The following ERICH3 variants were observed in gnomAD, a reference collection of about 807,000 sequenced individuals.
ERICH3 encodes glutamate-rich protein 3.
In ERICH3, 126 loss-of-function variants were observed where a neutral mutation model predicts 131.1. The observed-to-expected ratio is 0.96, with a 90% CI of 0.83 to 1.11. The LOEUF is 1.11. ERICH3 is among the 50% of genes most tolerant of loss of function. The pLI is 0.00. For missense variants in ERICH3, 2,050 were observed against 1,810.7 expected, an observed-to-expected ratio of 1.13 and a Z score of -2.40; for synonymous variants, 695 against 644.6, an observed-to-expected ratio of 1.08 and a Z score of -1.18.
chr1:74,631,024 G>A (rs1467815089), intron 7 of ERICH3, among the ~76,000 whole-genome samples: 1 of 152,044 alleles, frequency 6.6e-6, no homozygotes, highest in Non-Finnish European at 1.5e-5. Context: ...AAGTGAAGTT[G>A]GTTTTTAAGA....
At position 74,646,540 on chromosome 1, in the gene ERICH3, G is replaced by C. The variant is rs1646485481; in HGVS notation, c.243+127C>G. 1.6e-5 allele frequency: 9 copies of C among 565,982 alleles called. No homozygotes were observed. In the South Asian group the frequency reaches 4.4e-4, roughly 28 times the overall value. The allele number at this position is 565,982 out of a possible 1,614,324, so 35.1% of individuals were successfully genotyped here. A position where few individuals can be genotyped will look rare whatever the true frequency, so the allele number is the denominator to read the frequency against. On this transcript the variant is annotated intron_variant, in intron 3 of 14. Transcript: ENST00000326665. The stretch of plus-strand genomic sequence containing the variant: ...AATCTCTCTTTTTCTAGGTACAAAA[G>C]CATTATTAATTATCATATTAGACAA...
At chr1:74,573,565 T>C (rs1646999481) in intron 13 of ERICH3, 74 bp from the exon 14 acceptor site, 3 of 1,399,650 alleles carry the variant, frequency 2.1e-6, no homozygotes, top group Non-Finnish European at 2.8e-6. Flanking sequence ...TAATCTTATA[T>C]CACACTTATT....
chr1:74,587,254 G>A (rs917435351), intron 12 of ERICH3, among the ~76,000 whole-genome samples: 3 of 149,416 alleles, frequency 2.0e-5, no homozygotes, highest in Non-Finnish European at 4.4e-5. Flanking sequence ...GAACCCGGGA[G>A]GCAGAGGTTG....
At chr1:74,643,209 A>G (rs1160388204) in intron 3 of ERICH3, 111 bp from the exon 4 acceptor site, 1 of 696,730 alleles carries the variant, frequency 1.4e-6, no homozygotes, top group African/African-American at 1.8e-5. Context: ...TCCTCTTGTC[A>G]TTGAGATGGA....
At chr1:74,639,350 A>G (rs1239775906) in intron 5 of ERICH3, among the ~76,000 whole-genome samples, 1 of 152,242 alleles carries the variant, frequency 6.6e-6, no homozygotes, top group East Asian at 1.9e-4. Context: ...TTGCATATAG[A>G]TATCATTCAG....
Position 74,572,991 on chromosome 1 carries a change from C to T in ERICH3, c.2719G>A (p.Glu907Lys), listed in dbSNP as rs2100511814. The change falls in exon 14 of 15, where the codon GAA (glutamate) becomes AAA (lysine). Residue 907 changes from glutamate (E) to lysine (K), a missense_variant. By Grantham distance (56) the Glu-to-Lys change is moderately conservative. Coordinates refer to ENST00000326665, the MANE Select transcript of ERICH3 (RefSeq NM_001002912.5). Reference sequence around the variant, plus strand: ...TGCTCCAAGTTCAGGGCTGCTGCTTCATTTGCAAGCACTGCCTTCTCTAAA... The same window carrying T: ...TGCTCCAAGTTCAGGGCTGCTGCTTTATTTGCAAGCACTGCCTTCTCTAAA... ...QGLEKAVLAN[E>K]AAALNLEHLH... The T allele has an allele frequency of 6.2e-7, 1 of 1,614,160 alleles. No homozygotes were observed. The highest frequency in any genetic ancestry group is 8.5e-7 in the Non-Finnish European group (1 of 1,180,024).
intron 11 of ERICH3, among the ~76,000 whole-genome samples, chr1:74,593,578 T>C (rs1647706977): frequency 6.6e-6 from 1 of 152,152 alleles, no homozygotes; most frequent in African/African-American, 2.4e-5. Flanking sequence ...ATCATACATG[T>C]AGCATATTCT....
At chr1:74,624,002 G>A (rs894001722) in intron 7 of ERICH3, 1 of 152,120 alleles carries the variant, frequency 6.6e-6, no homozygotes, top group African/African-American at 2.4e-5. Context: ...AGTAGATAAG[G>A]ATGACGTCCT....
chr1:74,580,503 C>A (rs1209281503), intron 12 of ERICH3, among the ~76,000 whole-genome samples: 1 of 152,110 alleles, frequency 6.6e-6, no homozygotes. Flanking sequence ...TCTAAATGTT[C>A]TTTTAAAAAG....
At chr1:74,631,980 A>C in intron 6 of ERICH3, 52 bp from the exon 7 acceptor site, 1 of 1,492,096 alleles carries the variant, frequency 6.7e-7, no homozygotes, top group East Asian at 2.3e-5. Context: ...TCAGTGACTC[A>C]ATGTAACCCA....
Position 74,571,773 on chromosome 1 carries a change from T to A in ERICH3, c.3937A>T (p.Asn1313Tyr). Residue 1313 changes from asparagine (N) to tyrosine (Y), a missense_variant, in exon 14 of 15, where the codon AAC becomes TAC. Coordinates refer to ENST00000326665, the MANE Select transcript of ERICH3 (RefSeq NM_001002912.5). ...TLETEAMQDR[N>Y]SEGDGDMEGE... is the part of the protein sequence containing the mutation. ...TCCATGTCCCCGTCCCCTTCCGAGT[T>A]CCTGTCCTGCATCGCTTCTGTCTCC... The A allele has an allele frequency of 1.2e-6, 2 of 1,614,060 alleles. No individual in the cohort carries two copies. The highest frequency in any genetic ancestry group is 1.7e-6 in the Non-Finnish European group (2 of 1,180,018).
intron 1 of ERICH3, among the ~76,000 whole-genome samples, chr1:74,670,902 T>C (rs1646736400): frequency 6.6e-6 from 1 of 152,176 alleles, no homozygotes; most frequent in Non-Finnish European, 1.5e-5. Flanking sequence ...GGGAAAGGAA[T>C]GCATTCCTGG....
chr1:74,664,219 T>C (rs1646668195), intron 1 of ERICH3, among the ~76,000 whole-genome samples: 1 of 152,010 alleles, frequency 6.6e-6, no homozygotes. Flanking sequence ...TTTATGGATG[T>C]AGAAGTTCAA....
intron 11 of ERICH3, among the ~76,000 whole-genome samples, chr1:74,591,293 A>G (rs1647589550): frequency 1.3e-5 from 2 of 152,178 alleles, no homozygotes; most frequent in Non-Finnish European, 1.5e-5. Context: ...GCAGAAATCA[A>G]TCAAGGGAGA....
chr1:74,649,409 T>C (rs1646513165), intron 1 of ERICH3, 94 bp from the exon 2 acceptor site: 1 of 866,388 alleles, frequency 1.2e-6, no homozygotes, highest in Non-Finnish European at 1.8e-6. Flanking sequence ...TGCATAATCA[T>C]TCACTCATGC....
chr1:74,580,205 G>T (rs1647153244), intron 12 of ERICH3, among the ~76,000 whole-genome samples: 1 of 151,772 alleles, frequency 6.6e-6, no homozygotes, highest in African/African-American at 2.4e-5. Flanking sequence ...CTTACTAAAG[G>T]TAGCCCTTAA....
At chr1:74,614,170 T>C (rs543115853) in intron 8 of ERICH3, among the ~76,000 whole-genome samples, 1 of 152,180 alleles carries the variant, frequency 6.6e-6, no homozygotes, top group African/African-American at 2.4e-5. Context: ...GTCTAGGGAC[T>C]GCCTTCTAAG....
intron 1 of ERICH3, among the ~76,000 whole-genome samples, chr1:74,670,899 G>C (rs1368693785): frequency 6.6e-6 from 1 of 152,114 alleles, no homozygotes; most frequent in African/African-American, 2.4e-5. Context: ...CCTGGGAAAG[G>C]AATGCATTCC....
chr1:74,586,509 T>G, intron 12 of ERICH3: 1 of 982,558 alleles, frequency 1.0e-6, no homozygotes, highest in Non-Finnish European at 1.2e-6. Context: ...TCTGTAATGT[T>G]TAAACATTTA....
Sources: gnomAD v4.1 joint callset for allele counts (sites outside exome capture counted in the v4.1 genomes callset) on GRCh38, gnomAD v4.1.1 for gene constraint, MANE v1.5 for transcripts, NCBI Gene and HGNC (gene_info 2026-07-23, HGNC 2026-07-21) for gene names.